The following USP8 variants were observed in gnomAD, a reference collection of about 807,000 sequenced individuals.
The protein encoded by USP8 is ubiquitin specific peptidase 8.
A neutral mutation model predicts 130.0 loss-of-function variants in USP8; 27 were observed. The ratio of observed to expected loss-of-function variants is 0.21; its 90% CI spans 0.15 to 0.29. USP8 has a LOEUF of 0.29. Among genes scored for constraint, USP8 ranks in the 10% least tolerant of loss-of-function variants. USP8 has a pLI of 1.00. For synonymous variants in USP8, 392 were observed against 444.1 expected (o/e 0.88, Z 1.48); for missense variants, 1,029 against 1,312.2 (o/e 0.78, Z 3.33).
At position 50,509,307 on chromosome 15, in the gene USP8, A is replaced by G. The variant is rs1297544000; in HGVS notation, c.*10219A>G. Reference sequence around the variant, plus strand: ...ACTCCAGCCTGGGAGACAGAGTGAGACCCTCTCTCAAAAATAGTAACTTGG... The same window carrying G: ...ACTCCAGCCTGGGAGACAGAGTGAGGCCCTCTCTCAAAAATAGTAACTTGG... On this transcript the variant is annotated 3_prime_UTR_variant, in exon 20 of 20. Transcript: ENST00000307179. The G allele has an allele frequency of 6.6e-6, 1 of 151,698 alleles. No individual in the cohort carries two copies. The highest frequency in any genetic ancestry group is 6.6e-5 in the Admixed American group (1 of 15,196). 9.4% of individuals were successfully genotyped at this position (151,698 alleles called of 1,614,324 possible).
rs1360299530 is a variant in USP8, at chr15:50,514,396, C to G, written c.*15308C>G. On this transcript the variant is annotated 3_prime_UTR_variant, in exon 20 of 20. Coordinates refer to ENST00000307179, the MANE Select transcript of USP8 (RefSeq NM_005154.5). ...TGTACTTTTCTGTATATATGTTTCA[C>G]TTCAATAAAGTTTATTTTTGGTCAA... 3 of 152,268 alleles carry G rather than the reference C, an allele frequency of 2.0e-5. No homozygotes were observed. The East Asian group carries it at 5.8e-4, about 29-fold the overall frequency. 9.4% of individuals were successfully genotyped at this position (152,268 alleles called of 1,614,324 possible). A position where few individuals can be genotyped will look rare whatever the true frequency, so the allele number is the denominator to read the frequency against.
At chr15:50,498,770 A>C (rs2052510053) in intron 19 of USP8, 42 bp downstream of exon 19, 1 of 1,570,012 alleles carries the variant, frequency 6.4e-7, no homozygotes, top group African/African-American at 1.4e-5. Context: ...TTTCAAAGCA[A>C]GTTTAAAAAA....
At chr15:50,468,490 G>A (rs544723624) in intron 7 of USP8, among the ~76,000 whole-genome samples, 2 of 152,130 alleles carry the variant, frequency 1.3e-5, no homozygotes, top group South Asian at 4.1e-4. Flanking sequence ...TGATCCACCG[G>A]CATCGGCTTC....
rs768369965 is a variant in USP8 at position 50,500,780 on chromosome 15, T to TGAC, written c.*1693_*1695dup. ...TTATCAAAGCTATATCAGGCCTGGG[T>TGAC]GACTGAATTCTTGCAGAAAGCAGTG... On this transcript the variant is annotated 3_prime_UTR_variant, in exon 20 of 20. Coordinates refer to ENST00000307179, the MANE Select transcript of USP8 (RefSeq NM_005154.5). The TGAC allele has an allele frequency of 3.1e-6, 5 of 1,589,224 alleles. No individual in the cohort carries two copies. The East Asian group carries it at 1.1e-4, about 36-fold the overall frequency.
chr15:50,460,198 A>G (rs953826168), intron 5 of USP8, among the ~76,000 whole-genome samples: 29 of 147,654 alleles, frequency 2.0e-4, no homozygotes, highest in Non-Finnish European at 4.3e-4. Context: ...GGGTTTCACC[A>G]TGTTGGCCAG....
At chr15:50,472,202 A>C (rs1398457252) in intron 8 of USP8, among the ~76,000 whole-genome samples, 2 of 151,756 alleles carry the variant, frequency 1.3e-5, no homozygotes, top group Admixed American at 1.3e-4. Flanking sequence ...CGCCCAGCCC[A>C]TCATGCTTTG....
intron 7 of USP8, among the ~76,000 whole-genome samples, chr15:50,467,986 G>A (rs2051247167): frequency 6.6e-6 from 1 of 151,612 alleles, no homozygotes; most frequent in South Asian, 2.1e-4. Context: ...CCAGGCTGGA[G>A]TGCAATGGTG....
intron 3 of USP8, among the ~76,000 whole-genome samples, chr15:50,448,767 G>A (rs549829833): frequency 2.6e-5 from 4 of 152,042 alleles, no homozygotes; most frequent in African/African-American, 7.2e-5. Context: ...TGATGTGCCC[G>A]CCTCGGCCTC....
chr15:50,445,645 T>C (rs1595913489), intron 3 of USP8, among the ~76,000 whole-genome samples: 1 of 133,572 alleles, frequency 7.5e-6, no homozygotes, highest in African/African-American at 2.9e-5. Flanking sequence ...AGGTCAGGAG[T>C]TCAAGACCAG....
intron 3 of USP8, among the ~76,000 whole-genome samples, chr15:50,448,627 C>T (rs1019148011): frequency 9.9e-5 from 15 of 151,758 alleles, no homozygotes; most frequent in Admixed American, 7.9e-4. Context: ...TCAAGTGATT[C>T]TCCTGCGTCA....
intron 12 of USP8, among the ~76,000 whole-genome samples, chr15:50,485,449 CAAAA>C (rs71424070): frequency 8.6e-6 from 1 of 116,464 alleles, no homozygotes; most frequent in Non-Finnish European, 1.8e-5. Flanking sequence ...GACTCCATTT[CAAAA>C]AAAAAAAAAG....
At chr15:50,482,468 T>C (rs1444871272) in intron 11 of USP8, among the ~76,000 whole-genome samples, 1 of 152,224 alleles carries the variant, frequency 6.6e-6, no homozygotes, top group East Asian at 1.9e-4. Flanking sequence ...ATATCCAAAA[T>C]CAGTGACATC....
At position 50,455,112 on chromosome 15, in the gene USP8, G is replaced by A. The variant is rs146568149; in HGVS notation, c.336-3888G>A. Among the ~76,000 whole-genome samples, 127 of 151,222 alleles carry A rather than the reference G, an allele frequency of 8.4e-4. 4 individuals are homozygous for A. Among genetic ancestry groups the A allele is most frequent in the African/African-American group, 2.9e-3 (119 of 41,330 alleles). ...TTTTTTTGAGACAGAGTCTCACTCT[G>A]TTGTCGAGGTTGGAGTACAGTGGCG... is the stretch of plus-strand genomic sequence containing the variant. On this transcript the variant is annotated intron_variant, in intron 4 of 19. Coordinates refer to ENST00000307179, the MANE Select transcript of USP8 (RefSeq NM_005154.5).
At position 50,511,251 on chromosome 15, in the gene USP8, A is replaced by C. The variant is rs1305166055; in HGVS notation, c.*12163A>C. On this transcript the variant is annotated 3_prime_UTR_variant, in exon 20 of 20. Transcript: ENST00000307179. The stretch of plus-strand genomic sequence containing the variant: ...TTCATACCTACTTTGTATGGGATAG[A>C]ATAAAAAATGAGAGGCAGTAACAAG... 6.6e-6 allele frequency: 1 copy of C among 152,196 alleles called. No individual in the cohort carries two copies. The highest frequency in any genetic ancestry group is 1.5e-5 in the Non-Finnish European group (1 of 68,034). The allele number at this position is 152,196 out of a possible 1,614,324, so 9.4% of individuals were successfully genotyped here.
chr15:50,489,244 T>C (rs2052072045), intron 12 of USP8, among the ~76,000 whole-genome samples: 1 of 152,158 alleles, frequency 6.6e-6, no homozygotes, highest in Non-Finnish European at 1.5e-5. Context: ...AAGATGACTT[T>C]AGGTAGATTT....
intron 6 of USP8, chr15:50,463,648 C>G (rs968596884): frequency 1.3e-5 from 2 of 152,066 alleles, no homozygotes; most frequent in African/African-American, 4.8e-5. Context: ...TAAATGTTGT[C>G]CTTCTCAGTG....
intron 8 of USP8, 107 bp downstream of exon 8, chr15:50,471,902 C>CA: frequency 1.1e-6 from 1 of 882,564 alleles, no homozygotes; most frequent in Non-Finnish European, 1.6e-6. Context: ...TTCATCATGC[C>CA]TTTTTTTTTT....
chr15:50,445,495 G>A (rs556587358), intron 3 of USP8, among the ~76,000 whole-genome samples: 21 of 128,936 alleles, frequency 1.6e-4, no homozygotes, highest in African/African-American at 2.0e-4. Context: ...GCAGTGAGCC[G>A]AGATCGCACC....
chr15:50,460,217 C>CG, intron 5 of USP8, among the ~76,000 whole-genome samples: 1 of 145,688 alleles, frequency 6.9e-6, no homozygotes. Flanking sequence ...AGGCTGGTCT[C>CG]GAACTCCTGA....
Sources: gnomAD v4.1 joint callset for allele counts (sites outside exome capture counted in the v4.1 genomes callset) on GRCh38, gnomAD v4.1.1 for gene constraint, MANE v1.5 for transcripts, NCBI Gene and HGNC (gene_info 2026-07-23, HGNC 2026-07-21) for gene names.